The following IL16 variants were observed in gnomAD, a reference collection of about 807,000 sequenced individuals.
IL16 encodes interleukin 16.
IL16 carries 67 observed loss-of-function variants against 110.1 expected under a neutral mutation model. That is an observed-to-expected ratio of 0.61 (90% CI 0.50 to 0.75). IL16 has a LOEUF of 0.75. IL16 is among the 30% of genes least tolerant of loss of function. The pLI is 0.00. For missense variants in IL16, 1,545 were observed against 1,655.0 expected (o/e 0.93, Z 1.15); for synonymous variants, 689 against 662.9 (o/e 1.04, Z -0.61).
At chr15:81,183,041 G>T (rs1046860611) in intron 1 of IL16, 1 of 426,632 alleles carries the variant, frequency 2.3e-6, no homozygotes, top group African/African-American at 2.0e-5. Context: ...GTGTGCACAC[G>T]TGTGAGTGTG....
At chr15:81,239,771 C>CTTTG (rs71153570) in intron 2 of IL16, among the ~76,000 whole-genome samples, 42,612 of 150,552 alleles carry the variant, frequency 0.28, 6,085 homozygotes, top group South Asian at 0.32. Flanking sequence ...ACAGGCTTGT[C>CTTTG]TTTGTTTGTT....
intron 2 of IL16, among the ~76,000 whole-genome samples, chr15:81,242,507 G>C (rs997339282): frequency 5.9e-5 from 9 of 152,062 alleles, no homozygotes; most frequent in Non-Finnish European, 1.2e-4. Context: ...GATTATAAAT[G>C]GTATGCATTT....
intron 2 of IL16, among the ~76,000 whole-genome samples, chr15:81,234,405 G>C (rs1219567701): frequency 6.6e-6 from 1 of 152,034 alleles, no homozygotes; most frequent in South Asian, 2.1e-4. Context: ...TGATTAGCTT[G>C]TTAGCTATAA....
Position 81,292,828 on chromosome 15 carries a change from G to A in IL16, c.1693G>A (p.Glu565Lys). 1 of 1,614,042 alleles carries A rather than the reference G, an allele frequency of 6.2e-7. No individual in the cohort carries two copies. The highest frequency in any genetic ancestry group is 2.2e-5 in the East Asian group (1 of 44,882). Residue 565 changes from glutamate (E) to lysine (K), a missense_variant, in exon 12 of 19, where the codon GAG becomes AAG. By Grantham distance (56) the Glu-to-Lys change is moderately conservative. Around this residue, in one of 3 missense-constraint regions of IL16, gnomAD observed 1,185 missense variants for 1,238.8 expected, o/e 0.96. Transcript: ENST00000683961. ...TATAGCATCCTCCAGGCTGCCCCAGGAGAGCCCACCCCTCCCAGAGAGCCG... is the reference window on the plus strand; with the variant it reads ...TATAGCATCCTCCAGGCTGCCCCAGAAGAGCCCACCCCTCCCAGAGAGCCG... ...LSIASSRLPQ[E>K]SPPLPESRDS... is the part of the protein sequence containing the mutation.
chr15:81,299,628 C>G lies in IL16; in HGVS notation c.2302C>G (p.Pro768Ala). ...AAAGCTGGACACCGCCAATGGCACTCCCAAAGTTTACAAGTCAGCAGACAG... is the reference window on the plus strand; with the variant it reads ...AAAGCTGGACACCGCCAATGGCACTGCCAAAGTTTACAAGTCAGCAGACAG... ...PPKLDTANGTPKVYKSADSST... is the reference protein window; with the variant it reads ...PPKLDTANGTAKVYKSADSST... The change falls in exon 14 of 19, where the codon CCC becomes GCC. Residue 768 changes from proline (P) to alanine (A), a missense_variant. Physicochemically the swap from Pro to Ala is conservative, Grantham distance 27. This residue lies in a region of IL16 where 1,185 missense variants were observed against 1,238.8 expected (regional missense o/e 0.96). Coordinates refer to ENST00000683961, the MANE Select transcript of IL16 (RefSeq NM_172217.5). The G allele has an allele frequency of 2.5e-6, 4 of 1,614,200 alleles. No individual in the cohort carries two copies. Among genetic ancestry groups the G allele is most frequent in the Non-Finnish European group, 3.4e-6 (4 of 1,180,044 alleles).
At chr15:81,191,465 A>G (rs889234745) in intron 1 of IL16, among the ~76,000 whole-genome samples, 2 of 152,226 alleles carry the variant, frequency 1.3e-5, no homozygotes, top group African/African-American at 2.4e-5. Context: ...TGATTCACTC[A>G]GTAAATGTTT....
chr15:81,312,530 T>C lies in IL16; in HGVS notation c.*3732T>C, dbSNP rs3726. 0.47 allele frequency: 71,008 copies of C among 152,194 alleles called. 18,067 individuals carry two copies. Among genetic ancestry groups the C allele is most frequent in the African/African-American group, 0.69 (28,435 of 41,504 alleles). 9.4% of individuals were successfully genotyped at this position (152,194 alleles called of 1,614,324 possible). A position where few individuals can be genotyped will look rare whatever the true frequency, so the allele number is the denominator to read the frequency against. Reference sequence around the variant, plus strand: ...TGCGTGCTCAGTTCAGAATCACTTCTGAGAACTCATCCCTAATGCTGCAGA... The same window carrying C: ...TGCGTGCTCAGTTCAGAATCACTTCCGAGAACTCATCCCTAATGCTGCAGA... On this transcript the variant is annotated 3_prime_UTR_variant, in exon 19 of 19. Coordinates refer to ENST00000683961, the MANE Select transcript of IL16 (RefSeq NM_172217.5).
At chr15:81,271,120 T>C (rs150794301) in intron 5 of IL16, among the ~76,000 whole-genome samples, 283 of 152,192 alleles carry the variant, frequency 1.9e-3, no homozygotes, top group African/African-American at 6.5e-3. Context: ...ACAACCCTCC[T>C]ATTATCTCCC....
At chr15:81,264,273 G>C (rs117662634) in intron 3 of IL16, among the ~76,000 whole-genome samples, 2 of 152,188 alleles carry the variant, frequency 1.3e-5, no homozygotes, top group East Asian at 3.9e-4. Context: ...ACCTACTTGC[G>C]CTGAAGCAGC....
chr15:81,195,174 A>T (rs1354200636), upstream of IL16, among the ~76,000 whole-genome samples: 2 of 152,180 alleles, frequency 1.3e-5, no homozygotes, highest in Admixed American at 6.5e-5. Flanking sequence ...ATCTTCGGAA[A>T]ATAGAGGGAG....
At chr15:81,285,652 T>A in intron 9 of IL16, 46 bp from the exon 10 acceptor site, 3 of 1,607,218 alleles carry the variant, frequency 1.9e-6, no homozygotes, top group Non-Finnish European at 2.6e-6. Context: ...TGTTCAAATG[T>A]CTCATTGATT....
At chr15:81,265,049 G>A (rs1374711946) in intron 3 of IL16, among the ~76,000 whole-genome samples, 1 of 152,208 alleles carries the variant, frequency 6.6e-6, no homozygotes, top group East Asian at 1.9e-4. Flanking sequence ...ATGTGGTAGG[G>A]TAGGGAGGTA....
intron 11 of IL16, 77 bp from the exon 12 acceptor site, chr15:81,292,479 C>T (rs747466528): frequency 7.4e-5 from 119 of 1,598,264 alleles, no homozygotes; most frequent in Non-Finnish European, 9.4e-5. Context: ...CTGCCCGTGG[C>T]AGTCACAGGT....
At position 81,292,702 on chromosome 15, in the gene IL16, G is replaced by T; in HGVS notation, c.1567G>T (p.Gly523Ter). The T allele has an allele frequency of 6.2e-7, 1 of 1,614,160 alleles. No homozygotes were observed. The highest frequency in any genetic ancestry group is 8.5e-7 in the Non-Finnish European group (1 of 1,180,014). Reference protein sequence around the residue: ...DSSYMSGSPGGSPGSGSAEKP... With the variant: ...DSSYMSGSPG ...CAGCTACATGTCTGGGTCCCCAGGG[G>T]GAAGTCCTGGGAGTGGCAGTGCTGA... The change falls in exon 12 of 19, where the codon GGA becomes TGA. Residue 523 changes from glycine to a stop codon, truncating the protein, a stop_gained. Transcript: ENST00000683961. LOFTEE classifies it high-confidence loss of function.
chr15:81,219,015 G>A (rs370630590), intron 1 of IL16, among the ~76,000 whole-genome samples: 13 of 151,744 alleles, frequency 8.6e-5, no homozygotes, highest in South Asian at 6.2e-4. Context: ...CTTCACGGTC[G>A]TTAGCATTGT....
At chr15:81,279,123 A>C (rs1354323861) in intron 7 of IL16, among the ~76,000 whole-genome samples, 1 of 152,202 alleles carries the variant, frequency 6.6e-6, no homozygotes, top group Non-Finnish European at 1.5e-5. Flanking sequence ...TTGTTTTAAA[A>C]CACTCTGTGT....
At chr15:81,217,173 G>A (rs1268666019) in intron 1 of IL16, among the ~76,000 whole-genome samples, 1 of 152,150 alleles carries the variant, frequency 6.6e-6, no homozygotes, top group Admixed American at 6.6e-5. Flanking sequence ...AGCCCTCAGT[G>A]AAGACAAAGC....
At chr15:81,281,159 A>AT (rs1271097448) in intron 8 of IL16, among the ~76,000 whole-genome samples, 11 of 152,186 alleles carry the variant, frequency 7.2e-5, no homozygotes, top group Non-Finnish European at 1.3e-4. Context: ...CTTTTACCAA[A>AT]TTCTTCATCC....
chr15:81,187,440 T>C (rs1895435076), intron 1 of IL16, among the ~76,000 whole-genome samples: 1 of 152,056 alleles, frequency 6.6e-6, no homozygotes, highest in Non-Finnish European at 1.5e-5. Context: ...CTAAAAAAAT[T>C]AAAAATTTGC....
Sources: gnomAD v4.1 joint callset for allele counts (sites outside exome capture counted in the v4.1 genomes callset) on GRCh38, gnomAD v4.1.1 for gene constraint, gnomAD v4.1.1 regional missense constraint, MANE v1.5 for transcripts, NCBI Gene and HGNC (gene_info 2026-07-23, HGNC 2026-07-21) for gene names.